TENM4: variants seen among roughly 807,000 people sequenced by gnomAD.
The protein encoded by TENM4 is teneurin transmembrane protein 4, also known as teneurin-4.
In TENM4, 82 loss-of-function variants were observed where a neutral mutation model predicts 243.3. The ratio of observed to expected loss-of-function variants is 0.34; its 90% CI spans 0.28 to 0.40. TENM4 has a LOEUF of 0.40. Ranked by LOEUF, TENM4 falls within the 10% of genes least tolerant of loss-of-function variation. The pLI is 1.00. For synonymous variants in TENM4, 1,412 were observed against 1,456.3 expected, an observed-to-expected ratio of 0.97 and a Z score of 0.69; for missense variants, 3,138 against 3,673.3, an observed-to-expected ratio of 0.85 and a Z score of 3.77.
At chr11:79,118,807 A>T (rs1861675401) in intron 4 of TENM4, among the ~76,000 whole-genome samples, 1 of 152,194 alleles carries the variant, frequency 6.6e-6, no homozygotes, top group Non-Finnish European at 1.5e-5. Context: ...TTCATCTGCC[A>T]ATGGATACCC....
At chr11:78,698,424 C>CAACCAACCAACCAACT (rs907150998) in intron 28 of TENM4, among the ~76,000 whole-genome samples, 2 of 151,908 alleles carry the variant, frequency 1.3e-5, no homozygotes, top group African/African-American at 4.8e-5. Context: ...ACCAACCAAC[C>CAACCAACCAACCAACT]AAACAAACAA....
intron 3 of TENM4, among the ~76,000 whole-genome samples, chr11:79,215,048 A>G (rs1483994020): frequency 2.0e-5 from 3 of 152,188 alleles, no homozygotes; most frequent in Non-Finnish European, 4.4e-5. Flanking sequence ...AGTGCTTGGT[A>G]CCTAGTAGGT....
chr11:79,220,023 C>A (rs773063938), intron 2 of TENM4, among the ~76,000 whole-genome samples: 1 of 152,212 alleles, frequency 6.6e-6, no homozygotes, highest in Non-Finnish European at 1.5e-5. Flanking sequence ...CCGTGGTACC[C>A]GGAGCAGTGG....
chr11:78,731,097 C>A (rs1008457035), intron 21 of TENM4, among the ~76,000 whole-genome samples: 1 of 152,174 alleles, frequency 6.6e-6, no homozygotes, highest in African/African-American at 2.4e-5. Flanking sequence ...GATTTTTGCC[C>A]TAACTGAACG....
chr11:78,863,612 A>G (rs1301790711), intron 9 of TENM4, among the ~76,000 whole-genome samples: 1 of 152,254 alleles, frequency 6.6e-6, no homozygotes, highest in Non-Finnish European at 1.5e-5. Flanking sequence ...TCATAGCAAA[A>G]GAAATGTAAG....
intron 2 of TENM4, among the ~76,000 whole-genome samples, chr11:79,227,520 C>T (rs931209571): frequency 6.6e-6 from 1 of 152,142 alleles, no homozygotes; most frequent in African/African-American, 2.4e-5. Context: ...AGTGCTTGGG[C>T]TGGGATAAAG....
chr11:79,017,064 A>C (rs1176723391), intron 6 of TENM4, among the ~76,000 whole-genome samples: 2 of 152,228 alleles, frequency 1.3e-5, no homozygotes, highest in East Asian at 3.8e-4. Context: ...TTTCCAGTGG[A>C]ACTATAATTA....
chr11:78,864,567 C>T (rs1314942760), intron 9 of TENM4, among the ~76,000 whole-genome samples: 4 of 150,696 alleles, frequency 2.7e-5, no homozygotes, highest in African/African-American at 7.3e-5. Flanking sequence ...GATATACATG[C>T]TTGAGAAGGC....
intron 1 of TENM4, among the ~76,000 whole-genome samples, chr11:79,369,505 C>CT (rs1218270329): frequency 6.6e-6 from 1 of 152,162 alleles, no homozygotes; most frequent in Non-Finnish European, 1.5e-5. Flanking sequence ...AGAACAGGTG[C>CT]TCAACTTTAA....
intron 18 of TENM4, among the ~76,000 whole-genome samples, chr11:78,763,668 A>G (rs1856481046): frequency 6.6e-6 from 1 of 152,188 alleles, no homozygotes; most frequent in Non-Finnish European, 1.5e-5. Context: ...TCCAAGCTAG[A>G]TGCCTGAAGA....
At chr11:78,826,514 C>T (rs1190952757) in intron 12 of TENM4, among the ~76,000 whole-genome samples, 2 of 152,082 alleles carry the variant, frequency 1.3e-5, no homozygotes, top group Admixed American at 6.5e-5. Flanking sequence ...TGGAAATATC[C>T]AGGCCATGTT....
At chr11:79,226,357 C>T (rs1864265297) in intron 2 of TENM4, among the ~76,000 whole-genome samples, 1 of 152,222 alleles carries the variant, frequency 6.6e-6, no homozygotes, top group Admixed American at 6.5e-5. Flanking sequence ...CAAGGGCTCC[C>T]AGCTAGCAGA....
At chr11:79,353,182 G>A (rs1418257562) in intron 1 of TENM4, among the ~76,000 whole-genome samples, 3 of 152,220 alleles carry the variant, frequency 2.0e-5, no homozygotes, top group Non-Finnish European at 2.9e-5. Context: ...AATACTTGCT[G>A]AGGGCTGGAG....
chr11:79,145,965 G>A (rs1862388454), intron 4 of TENM4, among the ~76,000 whole-genome samples: 1 of 152,026 alleles, frequency 6.6e-6, no homozygotes, highest in Admixed American at 6.6e-5. Context: ...TAGGCTGTCT[G>A]TCTTTTCTTA....
chr11:78,661,701 T>C lies in TENM4; in HGVS notation c.7409-110A>G, dbSNP rs1858034400. The C allele has an allele frequency of 2.3e-5, 32 of 1,399,296 alleles. No homozygotes were observed. The South Asian group carries it at 4.3e-4, about 19-fold the overall frequency. The allele number at this position is 1,399,296 out of a possible 1,614,324, so 86.7% of individuals were successfully genotyped here. On this transcript the variant is annotated intron_variant, in intron 32 of 33. Transcript: ENST00000278550. The stretch of plus-strand genomic sequence containing the variant: ...CTGCAGGGTGTGGTGAGGGTGTGGA[T>C]TGCTGCTGGTGGGAGAGTCAACTGC...
At chr11:79,226,031 G>A (rs1864258383) in intron 2 of TENM4, among the ~76,000 whole-genome samples, 1 of 152,150 alleles carries the variant, frequency 6.6e-6, no homozygotes, top group South Asian at 2.1e-4. Flanking sequence ...GATCCCTCCT[G>A]TCTGGCTGCA....
intron 6 of TENM4, among the ~76,000 whole-genome samples, chr11:79,048,612 T>C (rs1022975820): frequency 1.3e-5 from 2 of 152,078 alleles, no homozygotes; most frequent in African/African-American, 2.4e-5. Flanking sequence ...CAACCAACTG[T>C]ATGTGAGTTT....
intron 6 of TENM4, among the ~76,000 whole-genome samples, chr11:78,952,217 G>A (rs915744161): frequency 6.6e-6 from 1 of 152,224 alleles, no homozygotes; most frequent in Non-Finnish European, 1.5e-5. Flanking sequence ...CTCGAAATCA[G>A]AAAGACCTTC....
Position 78,657,259 on chromosome 11 carries a change from G to A in TENM4, c.*799C>T, listed in dbSNP as rs1050854769. On this transcript the variant is annotated 3_prime_UTR_variant, in exon 34 of 34. Coordinates refer to ENST00000278550, the MANE Select transcript of TENM4 (RefSeq NM_001098816.3). ...GGTGCTTTCCCTCCCGGGAGGATGG[G>A]ACTCTGAGCCCAGGATGTTATGTCA... 2.5e-6 allele frequency: 1 copy of A among 398,580 alleles called. No individual in the cohort carries two copies. Among genetic ancestry groups the A allele is most frequent in the Non-Finnish European group, 4.4e-6 (1 of 226,166 alleles). 24.7% of individuals were successfully genotyped at this position (398,580 alleles called of 1,614,324 possible).
Sources: gnomAD v4.1 joint callset for allele counts (sites outside exome capture counted in the v4.1 genomes callset) on GRCh38, gnomAD v4.1.1 for gene constraint, MANE v1.5 for transcripts, NCBI Gene and HGNC (gene_info 2026-07-23, HGNC 2026-07-21) for gene names.